RAB7B: variants seen among roughly 807,000 people sequenced by gnomAD.
The protein encoded by RAB7B is RAB7B, member RAS oncogene family, also known as ras-related protein Rab-7b.
At chr1:205,989,513 C>T (rs1475253739) in intron 4 of RAB7B, among the ~76,000 whole-genome samples, 1 of 152,052 alleles carries the variant, frequency 6.6e-6, no homozygotes, top group South Asian at 2.1e-4. Context: ...CTCATGGTAG[C>T]CTCAGAAATC....
chr1:205,996,143 AGTGTGTGTGTGTGTGTGTGT>A lies in RAB7B; in HGVS notation c.-16-2012_-16-1993del, dbSNP rs1182397777. 1.0e-3 allele frequency among the ~76,000 whole-genome samples: 146 copies of A among 142,906 alleles called. 1 individual carries two copies. Among genetic ancestry groups the A allele is most frequent in the Non-Finnish European group, 1.4e-3 (92 of 65,862 alleles). The allele number at this position is 142,906 out of a possible 152,430, so 93.8% of individuals were successfully genotyped here. ...TCCTATAAGAGAAATGTAAATGTATAGTGTGTGTGTGTGTGTGTGTGTGTGTGTGTGTGTGTGTGTTTAAC... is the reference window on the plus strand; with the variant it reads ...TCCTATAAGAGAAATGTAAATGTATAGTGTGTGTGTGTGTGTGTGTTTAAC... On this transcript the variant is annotated intron_variant, in intron 1 of 5. Coordinates refer to ENST00000617070, the MANE Select transcript of RAB7B (RefSeq NM_001164522.3).
chr1:205,986,190 G>A (rs992181562), intron 4 of RAB7B, among the ~76,000 whole-genome samples: 1 of 152,226 alleles, frequency 6.6e-6, no homozygotes, highest in African/African-American at 2.4e-5. Flanking sequence ...CAGGAGGCCT[G>A]TTGCTGGGCA....
intron 5 of RAB7B, among the ~76,000 whole-genome samples, chr1:205,980,344 G>A (rs1292147301): frequency 1.3e-5 from 2 of 152,238 alleles, no homozygotes; most frequent in Non-Finnish European, 2.9e-5. Context: ...CCGGGTGCAA[G>A]TCATCGCTGA....
rs1373374172 is a variant in RAB7B at position 205,985,594 on chromosome 1, A to C, written c.468T>G (p.Asn156Lys). 5.0e-6 allele frequency: 2 copies of C among 398,968 alleles called. No homozygotes were observed. The highest frequency in any genetic ancestry group is 2.1e-5 in the African/African-American group (1 of 48,638). The allele number at this position is 398,968 out of a possible 1,614,324, so 24.7% of individuals were successfully genotyped here. A position where few individuals can be genotyped will look rare whatever the true frequency, so the allele number is the denominator to read the frequency against. Residue 156 changes from asparagine (N) to lysine (K), a missense_variant, in exon 5 of 6, where the codon AAT becomes AAG. By Grantham distance (94) the Asn-to-Lys change is moderately conservative. Coordinates refer to ENST00000617070, the MANE Select transcript of RAB7B (RefSeq NM_001164522.3). ...CAAACGCTTGCACCACATTGATGTC[A>C]TTCTTGGCACTGACTTCAAAGTAAG... ...DIPYFEVSAK[N>K]DINVVQAFEM...
chr1:205,999,748 T>G (rs886425366), intron 1 of RAB7B, among the ~76,000 whole-genome samples: 1 of 152,100 alleles, frequency 6.6e-6, no homozygotes, highest in Non-Finnish European at 1.5e-5. Context: ...CTGGAACAAT[T>G]AGCTGTTTTA....
At chr1:205,983,255 C>T (rs950036129) in intron 5 of RAB7B, among the ~76,000 whole-genome samples, 33 of 152,376 alleles carry the variant, frequency 2.2e-4, no homozygotes, top group Middle Eastern at 3.4e-3. Context: ...GCCTGGGTCT[C>T]TGGCCTTGGC....
At position 205,977,458 on chromosome 1, in the gene RAB7B, A is replaced by C. The variant is rs1660402415; in HGVS notation, c.*1393T>G. 6.6e-6 allele frequency: 1 copy of C among 152,212 alleles called. No individual in the cohort carries two copies. Among genetic ancestry groups the C allele is most frequent in the Non-Finnish European group, 1.5e-5 (1 of 68,036 alleles). 9.4% of individuals were successfully genotyped at this position (152,212 alleles called of 1,614,324 possible). ...TGCCTTACAAATCCCAAAGGGCTAA[A>C]CATGCCTCCAAGCCCATGAACAAGC... On this transcript the variant is annotated 3_prime_UTR_variant, in exon 6 of 6. Transcript: ENST00000617070.
intron 1 of RAB7B, among the ~76,000 whole-genome samples, chr1:205,999,102 A>G (rs1309303829): frequency 6.6e-6 from 1 of 152,170 alleles, no homozygotes; most frequent in Non-Finnish European, 1.5e-5. Flanking sequence ...AATGAGACTC[A>G]CACGCCTTGC....
intron 1 of RAB7B, among the ~76,000 whole-genome samples, chr1:206,000,263 A>G (rs1660870338): frequency 6.6e-6 from 1 of 152,224 alleles, no homozygotes; most frequent in African/African-American, 2.4e-5. Context: ...TTTATGTTAT[A>G]TATGTTTTGT....
chr1:205,995,562 A>T (rs1259049813), intron 1 of RAB7B, among the ~76,000 whole-genome samples: 2 of 147,670 alleles, frequency 1.4e-5, no homozygotes, highest in Non-Finnish European at 2.9e-5. Context: ...GTTCAGCTTT[A>T]AAAAAAAACT....
intron 1 of RAB7B, among the ~76,000 whole-genome samples, chr1:206,000,116 C>A (rs1173157196): frequency 6.6e-6 from 1 of 152,188 alleles, no homozygotes; most frequent in Admixed American, 6.5e-5. Context: ...TGGGAAGCTA[C>A]ACGTGATGGC....
intron 5 of RAB7B, among the ~76,000 whole-genome samples, chr1:205,982,422 T>G (rs1660512433): frequency 6.6e-6 from 1 of 152,170 alleles, no homozygotes; most frequent in East Asian, 1.9e-4. Flanking sequence ...CAGTAGCCTC[T>G]TCATCATCAC....
chr1:205,997,564 A>T (rs1660825589), intron 1 of RAB7B, among the ~76,000 whole-genome samples: 11 of 152,136 alleles, frequency 7.2e-5, no homozygotes. Context: ...CCTGGCACTG[A>T]CTCATTCATT....
chr1:205,997,899 G>A (rs1660829621), intron 1 of RAB7B, among the ~76,000 whole-genome samples: 1 of 152,186 alleles, frequency 6.6e-6, no homozygotes, highest in South Asian at 2.1e-4. Flanking sequence ...GGCAGCACTG[G>A]CTGAGCCCCT....
At chr1:205,978,992 A>G (rs1234876696) in intron 5 of RAB7B, 64 bp from the exon 6 acceptor site, 5 of 397,806 alleles carry the variant, frequency 1.3e-5, no homozygotes, top group Non-Finnish European at 2.2e-5. Flanking sequence ...CCCGCCCTTC[A>G]TTTCTTAGTG....
chr1:205,998,021 T>G (rs1196512288), intron 1 of RAB7B, among the ~76,000 whole-genome samples: 1 of 152,118 alleles, frequency 6.6e-6, no homozygotes, highest in Non-Finnish European at 1.5e-5. Context: ...CACCCAAGCC[T>G]GCACAGGGAG....
At chr1:205,996,154 G>A (rs1660810230) in intron 1 of RAB7B, among the ~76,000 whole-genome samples, 1 of 128,322 alleles carries the variant, frequency 7.8e-6, no homozygotes, top group East Asian at 2.0e-4. Flanking sequence ...GTGTGTGTGT[G>A]TGTGTGTGTG....
At chr1:205,998,260 G>A (rs1299139493) in intron 1 of RAB7B, among the ~76,000 whole-genome samples, 1 of 152,178 alleles carries the variant, frequency 6.6e-6, no homozygotes, top group Admixed American at 6.5e-5. Flanking sequence ...GGAGGCTGAG[G>A]CAGGAGAATC....
chr1:205,990,004 C>T (rs1172291989), intron 4 of RAB7B, among the ~76,000 whole-genome samples: 4 of 152,160 alleles, frequency 2.6e-5, no homozygotes, highest in African/African-American at 4.8e-5. Flanking sequence ...ATTTCACTGA[C>T]TCTCGGTCTT....
Sources: gnomAD v4.1 joint callset for allele counts (sites outside exome capture counted in the v4.1 genomes callset) on GRCh38, gnomAD v4.1.1 for gene constraint, MANE v1.5 for transcripts, NCBI Gene and HGNC (gene_info 2026-07-23, HGNC 2026-07-21) for gene names.